The following NLGN2 variants were observed in gnomAD, a reference collection of about 807,000 sequenced individuals.
The protein encoded by NLGN2 is neuroligin 2.
NLGN2 carries 11 observed loss-of-function variants against 48.6 expected under a neutral mutation model. The ratio of observed to expected loss-of-function variants is 0.23; its 90% CI spans 0.14 to 0.37. The LOEUF (loss-of-function observed/expected upper bound fraction) is 0.37, where lower values mean the gene tolerates loss of function less well. Ranked by LOEUF, NLGN2 falls within the 10% of genes least tolerant of loss-of-function variation. The pLI, the probability that NLGN2 is intolerant of heterozygous loss-of-function variation, is 1.00. For synonymous variants in NLGN2, 548 were observed against 550.0 expected (o/e 1.00, Z 0.05); for missense variants, 801 against 1,225.2 (o/e 0.65, Z 5.17).
rs753925610 is a variant in NLGN2, at chr17:7,408,738, C to A, written c.457+26C>A. On this transcript the variant is annotated intron_variant, in intron 1 of 6. Coordinates refer to ENST00000302926, the MANE Select transcript of NLGN2 (RefSeq NM_020795.4). This position sits in a 1 kb window ranked among gnomAD's most constrained non-coding sequence, Gnocchi z 7.5. The stretch of plus-strand genomic sequence containing the variant: ...GTAAGGGCGCGGGCACAAAGCCGGG[C>A]ACCCCGTGGACACAGCCCACAAACG... 11 of 1,612,038 alleles carry A rather than the reference C, an allele frequency of 6.8e-6. No homozygotes were observed. In the South Asian group the frequency reaches 1.1e-4, roughly 16 times the overall value.
intron 6 of NLGN2, 75 bp downstream of exon 6, chr17:7,416,182 G>A (rs1907094888): frequency 1.6e-6 from 2 of 1,226,438 alleles, no homozygotes; most frequent in African/African-American, 1.5e-5. Context: ...CTCTGTTAAG[G>A]CACTCACTCT....
rs551980514 is a variant in NLGN2, at chr17:7,419,692, G to T, written c.*1893G>T. ...TGCCCTCAGAATTGGGGCATGGGAG[G>T]GGGGCTGGGGGACCCCATGATTCAG... On this transcript the variant is annotated 3_prime_UTR_variant, in exon 7 of 7. Transcript: ENST00000302926. 1 of 152,418 alleles carries T rather than the reference G, an allele frequency of 6.6e-6. No homozygotes were observed. The highest frequency in any genetic ancestry group is 1.5e-5 in the Non-Finnish European group (1 of 68,230). 9.4% of individuals were successfully genotyped at this position (152,418 alleles called of 1,614,324 possible). A position where few individuals can be genotyped will look rare whatever the true frequency, so the allele number is the denominator to read the frequency against.
In NLGN2 at chr17:7,418,204, T is replaced by G; in HGVS notation, c.*405T>G. ...TGGGGATTTGTACCCCAGAATCCTGTTCCCCCATCCCTTCTCCCACCTCCT... is the reference window on the plus strand; with the variant it reads ...TGGGGATTTGTACCCCAGAATCCTGGTCCCCCATCCCTTCTCCCACCTCCT... On this transcript the variant is annotated 3_prime_UTR_variant, in exon 7 of 7. Transcript: ENST00000302926. The G allele has an allele frequency of 6.5e-6, 1 of 153,194 alleles. No individual in the cohort carries two copies. Among genetic ancestry groups the G allele is most frequent in the Non-Finnish European group, 1.5e-5 (1 of 68,842 alleles). The allele number at this position is 153,194 out of a possible 1,614,324, so 9.5% of individuals were successfully genotyped here. A position where few individuals can be genotyped will look rare whatever the true frequency, so the allele number is the denominator to read the frequency against.
At chr17:7,406,288 G>C (rs1906634144), upstream of NLGN2, among the ~76,000 whole-genome samples, 1 of 152,000 alleles carries the variant, frequency 6.6e-6, no homozygotes, top group Admixed American at 6.6e-5. Flanking sequence ...CAGTGGGAGG[G>C]AAGGAGGGAG....
chr17:7,412,275 C>G, intron 2 of NLGN2, 68 bp downstream of exon 2: 3 of 1,196,500 alleles, frequency 2.5e-6, no homozygotes, highest in Non-Finnish European at 2.5e-6. Context: ...CTGCCCCTCA[C>G]TAAATGTCCC....
At chr17:7,412,725 T>G (rs1243738227) in intron 2 of NLGN2, among the ~76,000 whole-genome samples, 1 of 152,130 alleles carries the variant, frequency 6.6e-6, no homozygotes, top group East Asian at 1.9e-4. Context: ...ATTAAAGAAT[T>G]TGACAATTTT....
At chr17:7,409,972 A>T (rs1906809919) in intron 1 of NLGN2, among the ~76,000 whole-genome samples, 1 of 151,984 alleles carries the variant, frequency 6.6e-6, no homozygotes, top group Admixed American at 6.5e-5. Context: ...ACATCCACAC[A>T]TCCAGTAACC....
Position 7,411,444 on chromosome 17 carries a change from G to C in NLGN2, c.458-713G>C, listed in dbSNP as rs896522643. On this transcript the variant is annotated intron_variant, in intron 1 of 6. Coordinates refer to ENST00000302926, the MANE Select transcript of NLGN2 (RefSeq NM_020795.4). This position sits in a 1 kb window ranked among gnomAD's most constrained non-coding sequence, Gnocchi z 4.5. ...GGAGCTGGGGTGAGAAGCCAGGCCT[G>C]TGAGTGTGGATAGACGAGAAGTGCT... Among the ~76,000 whole-genome samples, 1 of 152,220 alleles carries C rather than the reference G, an allele frequency of 6.6e-6. No homozygotes were observed. The highest frequency in any genetic ancestry group is 2.4e-5 in the African/African-American group (1 of 41,454).
chr17:7,407,056 C>T (rs1390908358), upstream of NLGN2, among the ~76,000 whole-genome samples: 4 of 152,158 alleles, frequency 2.6e-5, no homozygotes, highest in Admixed American at 6.5e-5. Flanking sequence ...TCTCCCCCTC[C>T]TCTCAACATA....
At position 7,414,742 on chromosome 17, in the gene NLGN2, T is replaced by C. The variant is rs78355381; in HGVS notation, c.738T>C (p.Ser246=). Residue 246 remains serine, a synonymous_variant, in exon 4 of 7, where the codon AGT becomes AGC. Coordinates refer to ENST00000302926, the MANE Select transcript of NLGN2 (RefSeq NM_020795.4). ...LDQIQALRWL[S]ENIAHFGGDP... ...AGATCCAGGCCCTGCGCTGGCTCAG[T>C]GAAAACATCGCCCACTTTGGGGGCG... is the stretch of plus-strand genomic sequence containing the variant. The C allele has an allele frequency of 0.15, 248,694 of 1,614,092 alleles. 20,959 individuals are homozygous for C. Among genetic ancestry groups the C allele is most frequent in the Middle Eastern group, 0.2 (1,193 of 6,062 alleles).
Position 7,412,213 on chromosome 17 carries a change from T to C in NLGN2, c.508+6T>C. The C allele has an allele frequency of 1.2e-6, 2 of 1,611,932 alleles. No individual in the cohort carries two copies. The highest frequency in any genetic ancestry group is 1.7e-6 in the Non-Finnish European group (2 of 1,178,722). ...GCTCAATCCGCCAGACACAGGTAGA[T>C]TTAAAAATCCCGCTGCTGCATGTGG... On this transcript the variant is annotated splice_donor_region_variant and intron_variant, in intron 2 of 6. Transcript: ENST00000302926.
Position 7,411,870 on chromosome 17 carries a change from G to C in NLGN2, c.458-287G>C, listed in dbSNP as rs924723862. On this transcript the variant is annotated intron_variant, in intron 1 of 6. Coordinates refer to ENST00000302926, the MANE Select transcript of NLGN2 (RefSeq NM_020795.4). The surrounding 1 kb of genome is among the most constrained non-coding windows in gnomAD (Gnocchi z 4.5). ...AGCCAAGTCGATATGTCTTAAGACA[G>C]GCCTCAGCCCACTCAGGCACCCCAC... Among the ~76,000 whole-genome samples the C allele has an allele frequency of 1.3e-5, 2 of 151,224 alleles. No homozygotes were observed. Among genetic ancestry groups the C allele is most frequent in the African/African-American group, 4.9e-5 (2 of 41,108 alleles).
In NLGN2 at chr17:7,417,581, G is replaced by A; in HGVS notation, c.2290G>A (p.Ala764Thr). 1 of 1,432,442 alleles carries A rather than the reference G, an allele frequency of 7.0e-7. No homozygotes were observed. Among genetic ancestry groups the A allele is most frequent in the Non-Finnish European group, 9.1e-7 (1 of 1,101,074 alleles). 88.7% of individuals were successfully genotyped at this position (1,432,442 alleles called of 1,614,324 possible). The stretch of plus-strand genomic sequence containing the variant: ...GGACCCTGCCGAGGCTCTGCGCCCT[G>A]CCTGCCCGCCCGACTACACCCTGGC... ...GADPAEALRPACPPDYTLALR... is the reference protein window; with the variant it reads ...GADPAEALRPTCPPDYTLALR... The change falls in exon 7 of 7, where the codon GCC (alanine) becomes ACC (threonine). Residue 764 changes from alanine to threonine, a missense_variant. Transcript: ENST00000302926.
chr17:7,410,435 C>T (rs1175988254), intron 1 of NLGN2, among the ~76,000 whole-genome samples: 2 of 151,966 alleles, frequency 1.3e-5, no homozygotes, highest in African/African-American at 4.8e-5. Flanking sequence ...AGTACAATGC[C>T]CTCCACAGAA....
intron 1 of NLGN2, among the ~76,000 whole-genome samples, chr17:7,409,363 G>C (rs1212482905): frequency 6.6e-6 from 1 of 151,984 alleles, no homozygotes; most frequent in Non-Finnish European, 1.5e-5. Flanking sequence ...TCTTCCCTGG[G>C]GCTCTTGAAT....
At position 7,418,553 on chromosome 17, in the gene NLGN2, T is replaced by C. The variant is rs910739027; in HGVS notation, c.*754T>C. On this transcript the variant is annotated 3_prime_UTR_variant, in exon 7 of 7. Transcript: ENST00000302926. ...CGTGGCCAGGACGCATTTCTCTGAG[T>C]GGAAACAGGTTCTTGCATGTGGATG... is the stretch of plus-strand genomic sequence containing the variant. The C allele has an allele frequency of 6.6e-6, 1 of 152,178 alleles. No homozygotes were observed. Among genetic ancestry groups the C allele is most frequent in the African/African-American group, 2.4e-5 (1 of 41,382 alleles). The allele number at this position is 152,178 out of a possible 1,614,324, so 9.4% of individuals were successfully genotyped here. A position where few individuals can be genotyped will look rare whatever the true frequency, so the allele number is the denominator to read the frequency against.
rs772420625 is a variant in NLGN2 at position 7,414,733 on chromosome 17, C to T, written c.729C>T (p.Arg243=). 5.6e-6 allele frequency: 9 copies of T among 1,614,214 alleles called. No individual in the cohort carries two copies. The highest frequency in any genetic ancestry group is 7.6e-6 in the Non-Finnish European group (9 of 1,180,038). ...YGLLDQIQAL[R]WLSENIAHFG... ...TCCTGGACCAGATCCAGGCCCTGCG[C>T]TGGCTCAGTGAAAACATCGCCCACT... Residue 243 remains arginine, a synonymous_variant, in exon 4 of 7, where the codon CGC becomes CGT. Coordinates refer to ENST00000302926, the MANE Select transcript of NLGN2 (RefSeq NM_020795.4).
chr17:7,412,644 T>C (rs897558034), intron 2 of NLGN2, among the ~76,000 whole-genome samples: 1 of 152,138 alleles, frequency 6.6e-6, no homozygotes, highest in Non-Finnish European at 1.5e-5. Flanking sequence ...GATGACACCA[T>C]TGAAACATCA....
rs1044500368 is a variant in NLGN2 at position 7,418,865 on chromosome 17, G to A, written c.*1066G>A. On this transcript the variant is annotated 3_prime_UTR_variant, in exon 7 of 7. Coordinates refer to ENST00000302926, the MANE Select transcript of NLGN2 (RefSeq NM_020795.4). ...CCAGGCCTCAGAGCATTGCTCATCC[G>A]TGCCAAACTGGGTAGGTGGATTTGA... 9 of 152,684 alleles carry A rather than the reference G, an allele frequency of 5.9e-5. No homozygotes were observed. The highest frequency in any genetic ancestry group is 4.8e-5 in the African/African-American group (2 of 41,450). The allele number at this position is 152,684 out of a possible 1,614,324, so 9.5% of individuals were successfully genotyped here.
Sources: gnomAD v4.1 joint callset for allele counts (sites outside exome capture counted in the v4.1 genomes callset) on GRCh38, gnomAD v4.1.1 for gene constraint, Gnocchi (gnomAD v3.1) non-coding constraint, MANE v1.5 for transcripts, NCBI Gene and HGNC (gene_info 2026-07-23, HGNC 2026-07-21) for gene names.